The following DIP2C variants were observed in gnomAD, a reference collection of about 807,000 sequenced individuals.
DIP2C encodes the protein disco-interacting protein 2 homolog C.
DIP2C carries 33 observed loss-of-function variants against 192.4 expected under a neutral mutation model. The observed-to-expected ratio is 0.17, with a 90% CI of 0.13 to 0.23. The LOEUF (loss-of-function observed/expected upper bound fraction) is 0.23. DIP2C is among the 10% of genes least tolerant of loss of function. DIP2C has a pLI of 1.00. For missense variants in DIP2C, 1,537 were observed against 2,110.1 expected, an observed-to-expected ratio of 0.73 and a Z score of 5.32; for synonymous variants, 979 against 864.1, an observed-to-expected ratio of 1.13 and a Z score of -2.33.
At chr10:555,331 C>A (rs1848795051) in intron 1 of DIP2C, among the ~76,000 whole-genome samples, 1 of 152,134 alleles carries the variant, frequency 6.6e-6, no homozygotes, top group African/African-American at 2.4e-5. Context: ...TTGCTTCCTT[C>A]ATCACCAATT....
chr10:626,632 C>T lies in DIP2C; in HGVS notation c.85+62862G>A, dbSNP rs116585169. ...GGCTCAGCTGCACCCAGAGGCATTC[C>T]GGCCTATTCAGGACGGGGGACACAC... On this transcript the variant is annotated intron_variant, in intron 1 of 36. Transcript: ENST00000280886. 4.6e-3 allele frequency among the ~76,000 whole-genome samples: 700 copies of T among 152,226 alleles called. 5 individuals carry two copies. The highest frequency in any genetic ancestry group is 0.016 in the African/African-American group (648 of 41,540).
At chr10:423,796 G>A (rs1215339377) in intron 4 of DIP2C, among the ~76,000 whole-genome samples, 3 of 152,180 alleles carry the variant, frequency 2.0e-5, no homozygotes, top group Admixed American at 6.5e-5. Context: ...AGAGAAAGCA[G>A]AACGTGCCTC....
intron 15 of DIP2C, 125 bp downstream of exon 15, chr10:384,421 A>G: frequency 1.0e-6 from 1 of 1,004,764 alleles, no homozygotes; most frequent in Non-Finnish European, 1.5e-6. Flanking sequence ...TATTATTAGT[A>G]GAAACGGGGT....
At chr10:424,304 T>C (rs1966419847) in intron 4 of DIP2C, among the ~76,000 whole-genome samples, 1 of 151,262 alleles carries the variant, frequency 6.6e-6, no homozygotes, top group African/African-American at 2.4e-5. Context: ...AAAAGTTTAC[T>C]TGTTAGAAAA....
intron 3 of DIP2C, among the ~76,000 whole-genome samples, chr10:470,176 G>T (rs550596881): frequency 6.6e-6 from 1 of 152,106 alleles, no homozygotes. Flanking sequence ...GGTAAATAAC[G>T]AATACACAGA....
intron 23 of DIP2C, 137 bp downstream of exon 23, chr10:357,691 T>C (rs907252625): frequency 1.8e-5 from 11 of 620,606 alleles, no homozygotes; most frequent in African/African-American, 1.1e-4. Context: ...CGGGGACGGT[T>C]GCGGACAGTC....
At chr10:509,828 G>A (rs906221461) in intron 1 of DIP2C, among the ~76,000 whole-genome samples, 2 of 152,058 alleles carry the variant, frequency 1.3e-5, no homozygotes, top group Admixed American at 6.5e-5. Context: ...AGCTTGGAGA[G>A]GACAGGGCCG....
At chr10:356,119 A>G in intron 24 of DIP2C, 1 of 495,954 alleles carries the variant, frequency 2.0e-6, no homozygotes. Context: ...TAATCAAAAT[A>G]AAAATGCAAA....
chr10:670,199 C>T (rs912454451), intron 1 of DIP2C, among the ~76,000 whole-genome samples: 2 of 152,098 alleles, frequency 1.3e-5, no homozygotes, highest in Admixed American at 6.5e-5. Flanking sequence ...TACATGTGTG[C>T]ACATGTATGC....
At chr10:506,089 A>T (rs1330542824) in intron 1 of DIP2C, among the ~76,000 whole-genome samples, 1 of 152,144 alleles carries the variant, frequency 6.6e-6, no homozygotes, top group Non-Finnish European at 1.5e-5. Context: ...AGGTACTGTT[A>T]TTCCCAGAAC....
chr10:625,557 C>T (rs781567545), intron 1 of DIP2C, among the ~76,000 whole-genome samples: 15 of 152,152 alleles, frequency 9.9e-5, no homozygotes, highest in Admixed American at 2.6e-4. Context: ...GCGTGACCGT[C>T]GCCCACAGGG....
chr10:432,876 C>T (rs1966884258), intron 4 of DIP2C, among the ~76,000 whole-genome samples: 1 of 152,188 alleles, frequency 6.6e-6, no homozygotes, highest in South Asian at 2.1e-4. Context: ...AAGAAATCTT[C>T]AGATTTCTTC....
chr10:412,842 G>A (rs760105930), intron 8 of DIP2C, among the ~76,000 whole-genome samples: 7 of 152,164 alleles, frequency 4.6e-5, no homozygotes, highest in Admixed American at 1.3e-4. Flanking sequence ...GACAACAGGC[G>A]GAACTATGTA....
chr10:494,230 G>C (rs1420603202), intron 1 of DIP2C, among the ~76,000 whole-genome samples: 1 of 152,194 alleles, frequency 6.6e-6, no homozygotes, highest in Non-Finnish European at 1.5e-5. Context: ...AGAAAGAAGT[G>C]GGCTAACCTC....
At chr10:583,813 C>G (rs1319816587) in intron 1 of DIP2C, among the ~76,000 whole-genome samples, 6 of 152,228 alleles carry the variant, frequency 3.9e-5, no homozygotes, top group African/African-American at 7.2e-5. Context: ...CACACCACTG[C>G]CCAATACTGA....
chr10:311,139 C>T (rs980971997), intron 31 of DIP2C, among the ~76,000 whole-genome samples: 10 of 152,132 alleles, frequency 6.6e-5, no homozygotes, highest in Admixed American at 3.9e-4. Context: ...AGCCTCCCGG[C>T]GGACGCTCCC....
intron 1 of DIP2C, among the ~76,000 whole-genome samples, chr10:543,651 T>C (rs141741334): frequency 5.9e-5 from 9 of 152,336 alleles, no homozygotes; most frequent in African/African-American, 2.2e-4. Context: ...GAAGTTTAAC[T>C]CTCTGGGGAC....
At position 355,530 on chromosome 10, in the gene DIP2C, C is replaced by T. The variant is rs143133871; in HGVS notation, c.2985+896G>A. ...TACCTATACTTGTCAAGAAGACTTA[C>T]ATTTTTCTTCCATTTTTCAAGCTTT... On this transcript the variant is annotated intron_variant, in intron 24 of 36. Transcript: ENST00000280886. Among the ~76,000 whole-genome samples, 129 of 152,330 alleles carry T rather than the reference C, an allele frequency of 8.5e-4. 1 individual carries two copies. The highest frequency in any genetic ancestry group is 3.0e-3 in the African/African-American group (125 of 41,580).
At chr10:453,408 T>C (rs1389398127) in intron 3 of DIP2C, among the ~76,000 whole-genome samples, 1 of 152,260 alleles carries the variant, frequency 6.6e-6, no homozygotes, top group Non-Finnish European at 1.5e-5. Context: ...TTGCTGGTCA[T>C]GCTGGACATA....
Sources: gnomAD v4.1 joint callset for allele counts (sites outside exome capture counted in the v4.1 genomes callset) on GRCh38, gnomAD v4.1.1 for gene constraint, MANE v1.5 for transcripts, NCBI Gene and HGNC (gene_info 2026-07-23, HGNC 2026-07-21) for gene names.